The following JMJD1C variants were observed in gnomAD, a reference collection of about 807,000 sequenced individuals.
The protein encoded by JMJD1C is jumonji domain-containing protein 1C.
A neutral mutation model predicts 245.3 loss-of-function variants in JMJD1C; 31 were observed. The observed-to-expected ratio is 0.13, with a 90% confidence interval of 0.09 to 0.17. JMJD1C has a LOEUF of 0.17. Ranked by LOEUF, JMJD1C falls within the 10% of genes least tolerant of loss-of-function variation. The probability of loss-of-function intolerance (pLI) is 1.00; values close to 1 mark genes in which losing one functional copy is unlikely to be tolerated. For missense variants in JMJD1C, 2,691 were observed against 3,000.2 expected, an observed-to-expected ratio of 0.90 and a Z score of 2.41; for synonymous variants, 1,057 against 1,017.4, an observed-to-expected ratio of 1.04 and a Z score of -0.74.
At position 63,189,444 on chromosome 10, in the gene JMJD1C, A is replaced by C; in HGVS notation, c.6294T>G (p.Ser2098Arg). 1 of 1,607,516 alleles carries C rather than the reference A, an allele frequency of 6.2e-7. No homozygotes were observed. The highest frequency in any genetic ancestry group is 2.2e-5 in the East Asian group (1 of 44,738). Residue 2098 changes from serine to arginine, a missense_variant and splice_region_variant, in exon 18 of 26, where the codon AGT (serine) becomes AGG (arginine). Coordinates refer to ENST00000399262, the MANE Select transcript of JMJD1C (RefSeq NM_032776.3). ...FAPVYSMGAP[S>R]SKSGRTMPNI... ...TAGGCATAGTCCGTCCACTTTTGCT[A>C]CTCTATTAAGGAAAAAACAAAACAA... is the stretch of plus-strand genomic sequence containing the variant.
intron 2 of JMJD1C, among the ~76,000 whole-genome samples, chr10:63,337,471 GAGAGAGAGA>G (rs1942871892): frequency 2.0e-5 from 1 of 49,618 alleles, no homozygotes; most frequent in African/African-American, 1.0e-4. Flanking sequence ...GGGGGGGAGG[GAGAGAGAGA>G]GGGAAGGAGA....
chr10:63,174,360 A>C (rs1328321186), intron 24 of JMJD1C, among the ~76,000 whole-genome samples: 48 of 152,260 alleles, frequency 3.2e-4, no homozygotes, highest in Non-Finnish European at 4.4e-5. Context: ...AGCAATAAAA[A>C]AAGAATCAAC....
chr10:63,227,477 T>TTA (rs1849438660), intron 3 of JMJD1C, among the ~76,000 whole-genome samples: 1 of 152,192 alleles, frequency 6.6e-6, no homozygotes, highest in South Asian at 2.1e-4. Flanking sequence ...AGCACTTTCA[T>TTA]TTTAGGATAA....
chr10:63,198,606 C>G lies in JMJD1C; in HGVS notation c.5398G>C (p.Glu1800Gln). 6.2e-7 allele frequency: 1 copy of G among 1,605,562 alleles called. No individual in the cohort carries two copies. Among genetic ancestry groups the G allele is most frequent in the Non-Finnish European group, 8.5e-7 (1 of 1,172,840 alleles). Residue 1800 changes from glutamate to glutamine, a missense_variant, in exon 12 of 26, where the codon GAG (glutamate) becomes CAG (glutamine). This residue lies in a region of JMJD1C where 139 missense variants were observed against 270.5 expected (regional missense o/e 0.51). Transcript: ENST00000399262. The part of the protein sequence containing the change: ...ENFEDDELDI[E>Q]TSKYILDIIG... ...ATATCCAAGATATATTTAGAAGTCTCTATATCTAGTTCATCATCTTCAAAA... is the reference window on the plus strand; with the variant it reads ...ATATCCAAGATATATTTAGAAGTCTGTATATCTAGTTCATCATCTTCAAAA...
chr10:63,285,969 T>A (rs533566594), intron 2 of JMJD1C, among the ~76,000 whole-genome samples: 12 of 152,322 alleles, frequency 7.9e-5, no homozygotes, highest in African/African-American at 2.6e-4. Context: ...AATAACAAAA[T>A]GACATCATTC....
chr10:63,497,799 A>C (rs1298909244), intron 1 of JMJD1C, among the ~76,000 whole-genome samples: 2 of 152,188 alleles, frequency 1.3e-5, no homozygotes, highest in Non-Finnish European at 2.9e-5. Flanking sequence ...AAAAAACCCT[A>C]AGTACCTGGG....
chr10:63,217,584 C>T (rs1232302940), intron 4 of JMJD1C: 2 of 256,564 alleles, frequency 7.8e-6, no homozygotes, highest in Non-Finnish European at 1.5e-5. Flanking sequence ...TTTCTAGGAT[C>T]ACGAGTTAAT....
At chr10:63,327,744 C>T (rs745307440) in intron 2 of JMJD1C, among the ~76,000 whole-genome samples, 93 of 151,984 alleles carry the variant, frequency 6.1e-4, no homozygotes, top group Non-Finnish European at 9.7e-4. Context: ...TCTTGGCTCA[C>T]TGCAACCTCC....
In JMJD1C at chr10:63,385,651, GT is replaced by G. The variant is rs370865176; in HGVS notation, c.169-5170del. Reference sequence around the variant, plus strand: ...TTTAGACATGGGGTCTTGCTATATTGTTCAGGCTGGTCTCAAACTCCTGGCC... The same window carrying G: ...TTTAGACATGGGGTCTTGCTATATTGTCAGGCTGGTCTCAAACTCCTGGCC... On this transcript the variant is annotated intron_variant, in intron 1 of 25. Coordinates refer to ENST00000399262, the MANE Select transcript of JMJD1C (RefSeq NM_032776.3). 1.0e-3 allele frequency among the ~76,000 whole-genome samples: 157 copies of G among 151,656 alleles called. 3 individuals carry two copies. In the East Asian group the frequency reaches 0.026, roughly 25 times the overall value.
chr10:63,229,334 C>T (rs1405910752), intron 3 of JMJD1C, among the ~76,000 whole-genome samples: 1 of 151,892 alleles, frequency 6.6e-6, no homozygotes, highest in Non-Finnish European at 1.5e-5. Flanking sequence ...CTTTCCAAAA[C>T]GTAATTATAC....
intron 3 of JMJD1C, among the ~76,000 whole-genome samples, chr10:63,232,368 A>T (rs7074006): frequency 0.051 from 7,762 of 152,166 alleles, 301 homozygotes; most frequent in African/African-American, 0.11. Context: ...AAAATTTTTT[A>T]AAACTGCATC....
chr10:63,168,065 C>T lies in JMJD1C; in HGVS notation c.7603G>A (p.Glu2535Lys). 6.3e-7 allele frequency: 1 copy of T among 1,595,174 alleles called. No individual in the cohort carries two copies. ...RALKIHEDEV[E>K]DMEEN ...CACACTTAATTTTCTTCCATATCCT[C>T]TACTTCATCCTCGTGTATCTTCAAG... The change falls in exon 26 of 26, where the codon GAG becomes AAG. Residue 2535 changes from glutamate (E) to lysine (K), a missense_variant. Glu to Lys is a moderately conservative substitution (Grantham distance 56). Transcript: ENST00000399262.
At chr10:63,447,576 G>C (rs1181732077) in intron 1 of JMJD1C, among the ~76,000 whole-genome samples, 1 of 152,038 alleles carries the variant, frequency 6.6e-6, no homozygotes, top group Non-Finnish European at 1.5e-5. Context: ...ACTCTAACAT[G>C]AATCATAATA....
At chr10:63,288,339 CAGTGGGTAATATTTCA>C (rs1858220959) in intron 2 of JMJD1C, among the ~76,000 whole-genome samples, 1 of 152,164 alleles carries the variant, frequency 6.6e-6, no homozygotes, top group African/African-American at 2.4e-5. Flanking sequence ...TTCTTTTTAG[CAGTGGGTAATATTTCA>C]ATGTCTGAAT....
chr10:63,204,944 TC>T (rs1271998450), intron 10 of JMJD1C: 2 of 985,250 alleles, frequency 2.0e-6, no homozygotes, highest in East Asian at 2.3e-4. Context: ...ACTTTGAGTG[TC>T]CACATTGTCA....
intron 2 of JMJD1C, among the ~76,000 whole-genome samples, chr10:63,312,210 C>T (rs1340583983): frequency 2.7e-5 from 4 of 150,592 alleles, no homozygotes; most frequent in African/African-American, 9.8e-5. Flanking sequence ...CAGGTTGAAG[C>T]GATTCTCCTA....
chr10:63,433,837 T>G (rs577750839), intron 1 of JMJD1C, among the ~76,000 whole-genome samples: 5 of 148,634 alleles, frequency 3.4e-5, no homozygotes, highest in African/African-American at 1.2e-4. Flanking sequence ...CACCTCAGTC[T>G]CCCAAAGTGC....
intron 3 of JMJD1C, among the ~76,000 whole-genome samples, chr10:63,247,839 TAAAACAAAAC>T (rs143095650): frequency 0.67 from 100,282 of 150,462 alleles, 35,860 homozygotes; most frequent in Non-Finnish European, 0.81. Context: ...CTCAAATGCA[TAAAACAAAAC>T]AAAACAAAAC....
intron 1 of JMJD1C, among the ~76,000 whole-genome samples, chr10:63,393,874 A>G (rs1280488276): frequency 2.6e-5 from 4 of 152,158 alleles, no homozygotes; most frequent in Non-Finnish European, 5.9e-5. Flanking sequence ...TGGTTTGAAG[A>G]CTGCATATAA....
Sources: gnomAD v4.1 joint callset for allele counts (sites outside exome capture counted in the v4.1 genomes callset) on GRCh38, gnomAD v4.1.1 for gene constraint, gnomAD v4.1.1 regional missense constraint, MANE v1.5 for transcripts, NCBI Gene and HGNC (gene_info 2026-07-23, HGNC 2026-07-21) for gene names.